Variants in GPC6 observed in about 807,000 individuals in gnomAD.
GPC6 encodes the protein glypican 6, also known as glypican-6.
GPC6 carries 14 observed loss-of-function variants against 55.2 expected under a neutral mutation model. The observed-to-expected ratio is 0.25, with a 90% confidence interval of 0.17 to 0.40. The LOEUF is 0.40. Ranked by LOEUF, GPC6 falls within the 10% of genes least tolerant of loss-of-function variation. The probability of loss-of-function intolerance (pLI) is 1.00; values close to 1 mark genes in which losing one functional copy is unlikely to be tolerated. For synonymous variants in GPC6, 278 were observed against 259.6 expected (o/e 1.07, Z -0.68); for missense variants, 641 against 708.5 (o/e 0.90, Z 1.08).
At chr13:94,087,170 C>T in intron 4 of GPC6, among the ~76,000 whole-genome samples, 1 of 152,224 alleles carries the variant, frequency 6.6e-6, no homozygotes, top group East Asian at 1.9e-4. Context: ...TTCATACATG[C>T]TCCCTGTTGG....
intron 3 of GPC6, among the ~76,000 whole-genome samples, chr13:93,879,723 A>T (rs1156407138): frequency 5.9e-5 from 9 of 151,884 alleles, no homozygotes; most frequent in South Asian, 2.1e-4. Context: ...TGGGATCTAA[A>T]TAAACTAAAG....
chr13:94,295,618 A>C (rs1875292023), intron 5 of GPC6, among the ~76,000 whole-genome samples: 1 of 152,176 alleles, frequency 6.6e-6, no homozygotes, highest in Non-Finnish European at 1.5e-5. Context: ...AGACTGTGTC[A>C]GCAATCCAAC....
intron 2 of GPC6, among the ~76,000 whole-genome samples, chr13:93,609,942 T>C (rs1300889437): frequency 6.6e-6 from 1 of 152,194 alleles, no homozygotes; most frequent in East Asian, 1.9e-4. Flanking sequence ...ATTCTGATAG[T>C]GTAGTAGATT....
At chr13:94,368,064 G>A (rs956276380) in intron 6 of GPC6, among the ~76,000 whole-genome samples, 25 of 149,922 alleles carry the variant, frequency 1.7e-4, no homozygotes, top group African/African-American at 5.7e-4. Context: ...CAGGAGAATC[G>A]CTTGAACCCA....
intron 2 of GPC6, among the ~76,000 whole-genome samples, chr13:93,686,419 G>A (rs1044320953): frequency 6.6e-6 from 1 of 152,138 alleles, no homozygotes. Context: ...GATTAAGGGT[G>A]TTTGGAGTCT....
At chr13:93,279,261 G>T (rs543712856) in intron 1 of GPC6, among the ~76,000 whole-genome samples, 127 of 152,244 alleles carry the variant, frequency 8.3e-4, no homozygotes, top group Non-Finnish European at 1.3e-3. Flanking sequence ...AGGAGCATGT[G>T]GATTCAATTC....
At chr13:94,193,213 C>A (rs1484435177) in intron 4 of GPC6, among the ~76,000 whole-genome samples, 1 of 151,978 alleles carries the variant, frequency 6.6e-6, no homozygotes, top group Non-Finnish European at 1.5e-5. Flanking sequence ...CTACTGTTTC[C>A]TAATAGTTTG....
At chr13:94,018,545 C>T (rs1384331178) in intron 3 of GPC6, among the ~76,000 whole-genome samples, 1 of 152,200 alleles carries the variant, frequency 6.6e-6, no homozygotes, top group Admixed American at 6.5e-5. Flanking sequence ...GCTGCCTCGG[C>T]CTCCCAAAAT....
At chr13:93,561,756 C>A (rs970780920) in intron 2 of GPC6, among the ~76,000 whole-genome samples, 37 of 152,140 alleles carry the variant, frequency 2.4e-4, no homozygotes, top group Non-Finnish European at 4.6e-4. Flanking sequence ...TTACTTCCAG[C>A]TGGCAACGTT....
Position 94,316,584 on chromosome 13 carries a change from G to A in GPC6, c.1152+10461G>A, listed in dbSNP as rs866968210. Among the ~76,000 whole-genome samples the A allele has an allele frequency of 3.3e-5, 5 of 150,946 alleles. No homozygotes were observed. In the South Asian group the frequency reaches 6.3e-4, roughly 19 times the overall value. ...TACAAAAAATTAGCCGGGCGTAGTG[G>A]CGGGCGCCTGTAGTCCCAGCTACTT... On this transcript the variant is annotated intron_variant, in intron 6 of 8. Coordinates refer to ENST00000377047, the MANE Select transcript of GPC6 (RefSeq NM_005708.5).
chr13:93,459,554 C>T (rs1273090671), intron 1 of GPC6, among the ~76,000 whole-genome samples: 1 of 152,040 alleles, frequency 6.6e-6, no homozygotes, highest in East Asian at 1.9e-4. Flanking sequence ...CAGTACAACC[C>T]AAGGATCTCC....
intron 1 of GPC6, among the ~76,000 whole-genome samples, chr13:93,521,802 G>C (rs144524926): frequency 8.6e-4 from 131 of 152,100 alleles, no homozygotes; most frequent in African/African-American, 3.1e-3. Context: ...ATAGTTGAGG[G>C]TGTATTTTCA....
At chr13:93,277,203 G>T (rs549763568) in intron 1 of GPC6, among the ~76,000 whole-genome samples, 3 of 152,060 alleles carry the variant, frequency 2.0e-5, no homozygotes, top group Non-Finnish European at 2.9e-5. Context: ...AGGAATTTAC[G>T]AACACACCAC....
At chr13:93,887,927 G>T (rs557711398) in intron 3 of GPC6, among the ~76,000 whole-genome samples, 1 of 152,074 alleles carries the variant, frequency 6.6e-6, no homozygotes, top group Non-Finnish European at 1.5e-5. Context: ...TTCTGACTAC[G>T]GGTTGTGGCT....
intron 1 of GPC6, among the ~76,000 whole-genome samples, chr13:93,318,311 A>C (rs557837925): frequency 6.6e-6 from 1 of 151,648 alleles, no homozygotes; most frequent in Non-Finnish European, 1.5e-5. Flanking sequence ...CTAATGGACC[A>C]AGAAGAAAAA....
At chr13:93,541,493 G>T (rs1244756781) in intron 1 of GPC6, among the ~76,000 whole-genome samples, 1 of 76,476 alleles carries the variant, frequency 1.3e-5, no homozygotes, top group Non-Finnish European at 2.6e-5. Context: ...ACATACGTGT[G>T]CATGTGTCTT....
intron 2 of GPC6, among the ~76,000 whole-genome samples, chr13:93,810,079 A>G (rs1246682573): frequency 1.3e-5 from 2 of 151,988 alleles, no homozygotes; most frequent in African/African-American, 4.8e-5. Flanking sequence ...CCCTACGCAT[A>G]TTGTCTCAGG....
chr13:93,277,197 A>G (rs1276597834), intron 1 of GPC6, among the ~76,000 whole-genome samples: 1 of 152,176 alleles, frequency 6.6e-6, no homozygotes, highest in Non-Finnish European at 1.5e-5. Context: ...GGGTGAAGGA[A>G]TTTACGAACA....
At chr13:93,878,626 C>T (rs1874756852) in intron 3 of GPC6, among the ~76,000 whole-genome samples, 1 of 152,044 alleles carries the variant, frequency 6.6e-6, no homozygotes, top group Admixed American at 6.6e-5. Context: ...GATCCATGCA[C>T]CTCAGCCTCC....
Sources: allele counts gnomAD v4.1 joint callset (sites outside exome capture counted in the v4.1 genomes callset), GRCh38; gene constraint gnomAD v4.1.1; transcripts MANE v1.5; gene names NCBI Gene and HGNC (gene_info 2026-07-23, HGNC 2026-07-21).